NUF2: variants seen among roughly 807,000 people sequenced by gnomAD.
NUF2 encodes kinetochore protein Nuf2.
A neutral mutation model predicts 61.8 loss-of-function variants in NUF2; 34 were observed. The observed-to-expected ratio is 0.55, with a 90% CI of 0.42 to 0.73. The LOEUF (loss-of-function observed/expected upper bound fraction) is 0.73, where lower values mean the gene tolerates loss of function less well. NUF2 is among the 30% of genes least tolerant of loss of function. The probability of loss-of-function intolerance (pLI) is 0.00; values close to 1 mark genes in which losing one functional copy is unlikely to be tolerated. For missense variants in NUF2, 445 were observed against 539.1 expected (o/e 0.83, Z 1.73); for synonymous variants, 172 against 181.6 (o/e 0.95, Z 0.42).
chr1:163,340,343 C>T (rs762192672), intron 8 of NUF2, 21 bp from the exon 9 acceptor site: 17 of 1,580,022 alleles, frequency 1.1e-5, no homozygotes, highest in Admixed American at 8.7e-5. Context: ...CATTATAAAA[C>T]GTGTTTGCTT....
intron 10 of NUF2, among the ~76,000 whole-genome samples, chr1:163,344,995 TATA>T (rs1651075092): frequency 2.6e-5 from 4 of 152,154 alleles, no homozygotes; most frequent in Admixed American, 2.6e-4. Context: ...AGAACACTTA[TATA>T]ATCTTGGACT....
In NUF2 at chr1:163,345,771, C is replaced by G; in HGVS notation, c.901C>G (p.Gln301Glu). The change falls in exon 11 of 14, where the codon CAG becomes GAG. Residue 301 changes from glutamine to glutamate, a missense_variant. Transcript: ENST00000271452. Reference sequence around the variant, plus strand: ...AGTGCAGTTATATCAAAAGAAAATACAGGACCTTTCAGATAATAGGGAAAA... The same window carrying G: ...AGTGCAGTTATATCAAAAGAAAATAGAGGACCTTTCAGATAATAGGGAAAA... ...LEVQLYQKKI[Q>E]DLSDNREKLA... 1 of 1,609,030 alleles carries G rather than the reference C, an allele frequency of 6.2e-7. No homozygotes were observed. The highest frequency in any genetic ancestry group is 8.5e-7 in the Non-Finnish European group (1 of 1,176,070).
rs930652971 is a variant in NUF2 at position 163,352,739 on chromosome 1, G to A, written c.1261-2596G>A. Among the ~76,000 whole-genome samples the A allele has an allele frequency of 4.6e-5, 7 of 152,056 alleles. 1 individual carries two copies. Among genetic ancestry groups the A allele is most frequent in the Admixed American group, 2.6e-4 (4 of 15,272 alleles). ...AAATTAGCCGGGCGTGGTGGCGGGCGCCTGTAGTCCCAGCTACTCAGGAAG... is the reference window on the plus strand; with the variant it reads ...AAATTAGCCGGGCGTGGTGGCGGGCACCTGTAGTCCCAGCTACTCAGGAAG... On this transcript the variant is annotated intron_variant, in intron 13 of 13. Coordinates refer to ENST00000271452, the MANE Select transcript of NUF2 (RefSeq NM_145697.3).
intron 11 of NUF2, among the ~76,000 whole-genome samples, chr1:163,347,231 G>C (rs959132646): frequency 6.6e-6 from 1 of 152,068 alleles, no homozygotes; most frequent in African/African-American, 2.4e-5. Context: ...ATCCTTTTTT[G>C]CTTCTTAACT....
In NUF2 at chr1:163,327,472, T is replaced by G. The variant is rs1650462604; in HGVS notation, c.124-16T>G. 6.6e-7 allele frequency: 1 copy of G among 1,504,920 alleles called. No individual in the cohort carries two copies. Among genetic ancestry groups the G allele is most frequent in the African/African-American group, 1.4e-5 (1 of 72,830 alleles). The allele number at this position is 1,504,920 out of a possible 1,614,324, so 93.2% of individuals were successfully genotyped here. A position where few individuals can be genotyped will look rare whatever the true frequency, so the allele number is the denominator to read the frequency against. On this transcript the variant is annotated splice_polypyrimidine_tract_variant and intron_variant, in intron 2 of 13. Coordinates refer to ENST00000271452, the MANE Select transcript of NUF2 (RefSeq NM_145697.3). ...GAGTTATGCATCGGAGTATTCAAAG[T>G]TGTTTTTTGCTGTAGCCTGAAGTCT...
intron 13 of NUF2, among the ~76,000 whole-genome samples, chr1:163,353,523 A>G (rs1651393872): frequency 1.3e-5 from 2 of 152,326 alleles, no homozygotes; most frequent in African/African-American, 4.8e-5. Flanking sequence ...ATTAAATTAA[A>G]TTTTATTAAA....
At chr1:163,327,761 T>G in intron 3 of NUF2, 199 bp downstream of exon 3, 1 of 511,278 alleles carries the variant, frequency 2.0e-6, no homozygotes, top group Non-Finnish European at 3.4e-6. Context: ...TATCCATAGA[T>G]TTAGTAAGAT....
rs1257500481 is a variant in NUF2 at position 163,345,738 on chromosome 1, C to T, written c.868C>T (p.Gln290Ter). Residue 290 changes from glutamine to a stop codon, truncating the protein, a stop_gained, in exon 11 of 14, where the codon CAG becomes TAG. Coordinates refer to ENST00000271452, the MANE Select transcript of NUF2 (RefSeq NM_145697.3). LOFTEE classifies it high-confidence loss of function. ...CTCAGTTGACTGCCTGCCTTCATGT[C>T]AGTTGGAAGTGCAGTTATATCAAAA... ...GDSVDCLPSC[Q>*]LEVQLYQKKI... 6.2e-7 allele frequency: 1 copy of T among 1,610,518 alleles called. No individual in the cohort carries two copies. Among genetic ancestry groups the T allele is most frequent in the Non-Finnish European group, 8.5e-7 (1 of 1,176,970 alleles).
At chr1:163,352,897 T>A (rs1651371163) in intron 13 of NUF2, among the ~76,000 whole-genome samples, 1 of 152,078 alleles carries the variant, frequency 6.6e-6, no homozygotes, top group African/African-American at 2.4e-5. Flanking sequence ...TCTAAGCTAA[T>A]CATTTCCATT....
chr1:163,323,261 C>G (rs1650299093), intron 1 of NUF2, among the ~76,000 whole-genome samples: 1 of 152,210 alleles, frequency 6.6e-6, no homozygotes, highest in Non-Finnish European at 1.5e-5. Context: ...CTCTCTAATT[C>G]AGATGCAGCT....
At chr1:163,334,227 G>A (rs61812218) in intron 5 of NUF2, among the ~76,000 whole-genome samples, 14,345 of 152,120 alleles carry the variant, frequency 0.094, 947 homozygotes, top group South Asian at 0.21. Context: ...ACTGATTGAC[G>A]CAGGTTCATT....
chr1:163,355,244 T>A, intron 13 of NUF2, 91 bp from the exon 14 acceptor site: 1 of 959,346 alleles, frequency 1.0e-6, no homozygotes, highest in Non-Finnish European at 1.5e-6. Context: ...AAAATATTAA[T>A]AAATATGAAT....
At chr1:163,343,430 T>C (rs913132307) in intron 9 of NUF2, among the ~76,000 whole-genome samples, 3 of 152,176 alleles carry the variant, frequency 2.0e-5, no homozygotes, top group Non-Finnish European at 4.4e-5. Context: ...TCACTTATAC[T>C]TGTCTAAACA....
At chr1:163,336,992 T>G (rs556196552) in intron 6 of NUF2, 144 bp downstream of exon 6, 1 of 585,416 alleles carries the variant, frequency 1.7e-6, no homozygotes, top group Non-Finnish European at 3.0e-6. Context: ...TTATATTAAC[T>G]TGCAGATTTT....
chr1:163,335,152 TCATG>T (rs1210309283), intron 5 of NUF2, among the ~76,000 whole-genome samples: 4 of 151,926 alleles, frequency 2.6e-5, no homozygotes, highest in Non-Finnish European at 5.9e-5. Context: ...AGGGGTTTCA[TCATG>T]TTGGCCAGGA....
chr1:163,349,125 G>A (rs1347190383), intron 13 of NUF2, 45 bp downstream of exon 13: 7 of 1,537,514 alleles, frequency 4.6e-6, no homozygotes, highest in Non-Finnish European at 6.1e-6. Flanking sequence ...AATCTCTCAT[G>A]TATTTGAGTT....
In NUF2 at chr1:163,328,294, G is replaced by A. The variant is rs369269006; in HGVS notation, c.265G>A (p.Val89Ile). ...AGGCTTCTTACCATTCAGCAATTTA[G>A]TTACTCATCTGTGAGTAAAGAGTGA... The part of the protein sequence containing the change: ...MEGFLPFSNL[V>I]THLDSFLPIC... Residue 89 changes from valine to isoleucine, a missense_variant, in exon 4 of 14, where the codon GTT (valine) becomes ATT (isoleucine). By Grantham distance (29) the Val-to-Ile change is conservative (BLOSUM62 3). Transcript: ENST00000271452. 2 of 1,596,850 alleles carry A rather than the reference G, an allele frequency of 1.3e-6. No homozygotes were observed. Among genetic ancestry groups the A allele is most frequent in the South Asian group, 1.1e-5 (1 of 89,350 alleles).
At chr1:163,335,322 A>G (rs1039167409) in intron 5 of NUF2, among the ~76,000 whole-genome samples, 5 of 152,210 alleles carry the variant, frequency 3.3e-5, no homozygotes, top group African/African-American at 1.2e-4. Flanking sequence ...ACCAATATCT[A>G]GCAGATACTG....
rs142683655 is a variant in NUF2, at chr1:163,327,530, G to C, written c.166G>C (p.Val56Leu). Residue 56 changes from valine (V) to leucine (L), a missense_variant, in exon 3 of 14, where the codon GTA becomes CTA. By Grantham distance (32) the Val-to-Leu change is conservative (BLOSUM62 1). Transcript: ENST00000271452. ...HMIYMRALQI[V>L]YGIRLEHFYM... is the part of the protein sequence containing the mutation. ...GATCTACATGAGAGCCTTACAAATA[G>C]TATATGGAATTCGACTGGAACATTT... 6.2e-7 allele frequency: 1 copy of C among 1,612,468 alleles called. No individual in the cohort carries two copies. Among genetic ancestry groups the C allele is most frequent in the Non-Finnish European group, 8.5e-7 (1 of 1,178,724 alleles).
Sources: allele counts gnomAD v4.1 joint callset (sites outside exome capture counted in the v4.1 genomes callset), GRCh38; gene constraint gnomAD v4.1.1; transcripts MANE v1.5; gene names NCBI Gene and HGNC (gene_info 2026-07-23, HGNC 2026-07-21).